The following AXDND1 variants were observed in gnomAD, a reference collection of about 807,000 sequenced individuals.
The protein encoded by AXDND1 is axonemal dynein light chain domain containing 1.
A neutral mutation model predicts 137.5 loss-of-function variants in AXDND1; 110 were observed. The ratio of observed to expected loss-of-function variants is 0.80; its 90% confidence interval spans 0.69 to 0.94. The LOEUF (loss-of-function observed/expected upper bound fraction) is 0.94, where lower values mean the gene tolerates loss of function less well. AXDND1 is among the 40% of genes least tolerant of loss of function. AXDND1 has a pLI of 0.00. For missense variants in AXDND1, 1,191 were observed against 1,169.8 expected (o/e 1.02, Z -0.26); for synonymous variants, 414 against 399.7 (o/e 1.04, Z -0.43).
In AXDND1 at chr1:179,511,392, G is replaced by A. The variant is rs1278849288; in HGVS notation, c.2496+1989G>A. ...ATATATACATAGTATATGGTATATGGGGTGTGTGTGTGTGTGTGTGTGTGT... is the reference window on the plus strand; with the variant it reads ...ATATATACATAGTATATGGTATATGAGGTGTGTGTGTGTGTGTGTGTGTGT... On this transcript the variant is annotated intron_variant, in intron 21 of 25. Transcript: ENST00000367618. 4.4e-5 allele frequency among the ~76,000 whole-genome samples: 4 copies of A among 91,928 alleles called. 1 individual carries two copies. In the South Asian group the frequency reaches 1.2e-3, roughly 28 times the overall value. The allele number at this position is 91,928 out of a possible 152,430, so 60.3% of individuals were successfully genotyped here.
chr1:179,552,841 G>A (rs1275888692), intron 25 of AXDND1: 7 of 683,586 alleles, frequency 1.0e-5, no homozygotes, highest in Admixed American at 4.1e-5. Flanking sequence ...TCAAAAGTAG[G>A]CAGATCTCCA....
intron 16 of AXDND1, among the ~76,000 whole-genome samples, chr1:179,459,943 TC>T (rs1203508573): frequency 2.0e-5 from 3 of 148,086 alleles, no homozygotes; most frequent in African/African-American, 7.4e-5. Flanking sequence ...CTTCTCTCTC[TC>T]TTTTCTTTTC....
intron 21 of AXDND1, among the ~76,000 whole-genome samples, chr1:179,510,667 T>C (rs1362477345): frequency 6.6e-6 from 1 of 152,128 alleles, no homozygotes; most frequent in African/African-American, 2.4e-5. Flanking sequence ...ATCAAGGAAC[T>C]GTACAGAATC....
At chr1:179,393,788 T>C in intron 9 of AXDND1, 115 bp from the exon 10 acceptor site, 2 of 700,760 alleles carry the variant, frequency 2.9e-6, no homozygotes, top group Non-Finnish European at 4.3e-6. Flanking sequence ...GATTCTCAGC[T>C]TGGTTTTCTT....
intron 17 of AXDND1, among the ~76,000 whole-genome samples, chr1:179,476,541 G>T (rs967871761): frequency 1.5e-5 from 2 of 136,146 alleles, no homozygotes; most frequent in African/African-American, 5.3e-5. Flanking sequence ...AAGTCTACTA[G>T]CAACAAATTC....
chr1:179,365,799 T>G (rs10798670), upstream of AXDND1: 13,468 of 152,310 alleles, frequency 0.088, 851 homozygotes, highest in East Asian at 0.36. Flanking sequence ...AACGTTTTTC[T>G]TCTCCTTTGC....
At chr1:179,541,758 C>A (rs1423231447) in intron 25 of AXDND1, among the ~76,000 whole-genome samples, 2 of 151,748 alleles carry the variant, frequency 1.3e-5, no homozygotes, top group African/African-American at 4.8e-5. Flanking sequence ...TCTTAATAAT[C>A]CTAAATACAC....
Position 179,516,515 on chromosome 1 carries a change from G to A in AXDND1, c.2496+7112G>A, listed in dbSNP as rs143280192. On this transcript the variant is annotated intron_variant, in intron 21 of 25. Transcript: ENST00000367618. ...TGGTGAGCTAGTGTGATTTTCTGGGGGTGTTAAAGAGCCTTGTTTTGTCAT... is the reference window on the plus strand; with the variant it reads ...TGGTGAGCTAGTGTGATTTTCTGGGAGTGTTAAAGAGCCTTGTTTTGTCAT... Among the ~76,000 whole-genome samples, 90 of 152,212 alleles carry A rather than the reference G, an allele frequency of 5.9e-4. 1 individual carries two copies. The East Asian group carries it at 0.014, about 24-fold the overall frequency.
intron 8 of AXDND1, 143 bp from the exon 9 acceptor site, chr1:179,385,095 T>G: frequency 1.3e-6 from 1 of 752,614 alleles, no homozygotes; most frequent in Non-Finnish European, 2.1e-6. Flanking sequence ...ATATCACTTT[T>G]GTATATATAT....
chr1:179,521,744 A>G (rs1329948568), intron 21 of AXDND1, among the ~76,000 whole-genome samples: 1 of 136,298 alleles, frequency 7.3e-6, no homozygotes. Flanking sequence ...CCTTTATTTC[A>G]CCCTCATTCT....
intron 25 of AXDND1, among the ~76,000 whole-genome samples, chr1:179,537,879 T>C (rs1671713093): frequency 6.6e-6 from 1 of 152,208 alleles, no homozygotes; most frequent in African/African-American, 2.4e-5. Flanking sequence ...CACCTGTTAT[T>C]GGTCTATTCA....
rs139625718 is a variant in AXDND1, at chr1:179,394,572, G to A, written c.1005-526G>A. ...GCCACTGCACTCTAGCCTGGGTGAC[G>A]GAGCGAGACCCTGTCTCAGAAAAAT... On this transcript the variant is annotated intron_variant, in intron 10 of 25. Coordinates refer to ENST00000367618, the MANE Select transcript of AXDND1 (RefSeq NM_144696.6). 6.6e-3 allele frequency among the ~76,000 whole-genome samples: 541 copies of A among 82,190 alleles called. 3 individuals carry two copies. Among genetic ancestry groups the A allele is most frequent in the African/African-American group, 0.022 (487 of 22,564 alleles). 53.9% of individuals were successfully genotyped at this position (82,190 alleles called of 152,430 possible).
intron 18 of AXDND1, among the ~76,000 whole-genome samples, chr1:179,490,331 G>C (rs945337191): frequency 1.3e-5 from 2 of 152,120 alleles, no homozygotes; most frequent in African/African-American, 4.8e-5. Flanking sequence ...ACAGCGAAAG[G>C]GAGTAGGGTA....
chr1:179,468,717 C>G, intron 17 of AXDND1, 76 bp downstream of exon 17: 1 of 1,214,122 alleles, frequency 8.2e-7, no homozygotes, highest in South Asian at 1.6e-5. Context: ...ATATATAATT[C>G]ACTTTTTCAA....
intron 2 of AXDND1, among the ~76,000 whole-genome samples, chr1:179,367,983 TC>T (rs202211586): frequency 1.5e-4 from 23 of 151,874 alleles, no homozygotes; most frequent in South Asian, 4.1e-4. Flanking sequence ...TTTTTTTTTT[TC>T]TTCTGTTTCT....
At position 179,539,970 on chromosome 1, in the gene AXDND1, G is replaced by A. The variant is rs183356337; in HGVS notation, c.3031+5008G>A. Among the ~76,000 whole-genome samples, 56 of 151,192 alleles carry A rather than the reference G, an allele frequency of 3.7e-4. No homozygotes were observed. In the East Asian group the frequency reaches 0.01, roughly 28 times the overall value. On this transcript the variant is annotated intron_variant, in intron 25 of 25. Transcript: ENST00000367618. Reference sequence around the variant, plus strand: ...TCAATCACTGATAATCCTTTCTTCTGCTTGATCTAATTGGCTATTGAAGAT... The same window carrying A: ...TCAATCACTGATAATCCTTTCTTCTACTTGATCTAATTGGCTATTGAAGAT...
chr1:179,427,467 C>T (rs1477635461), intron 12 of AXDND1, among the ~76,000 whole-genome samples: 7 of 152,030 alleles, frequency 4.6e-5, no homozygotes, highest in East Asian at 3.8e-4. Context: ...ATGCCATGTA[C>T]TGGTTGGTAA....
intron 6 of AXDND1, among the ~76,000 whole-genome samples, chr1:179,380,571 C>CTTGCT (rs1364995493): frequency 1.3e-5 from 2 of 152,130 alleles, no homozygotes; most frequent in Non-Finnish European, 2.9e-5. Flanking sequence ...AAAATAGGAT[C>CTTGCT]TTGCTTTTAT....
At chr1:179,404,408 G>C (rs1335505474) in intron 11 of AXDND1, among the ~76,000 whole-genome samples, 1 of 132,988 alleles carries the variant, frequency 7.5e-6, no homozygotes, top group African/African-American at 2.6e-5. Context: ...TTTTAGTAGA[G>C]ATGAGGTTTC....
Sources: gnomAD v4.1 joint callset for allele counts (sites outside exome capture counted in the v4.1 genomes callset) on GRCh38, gnomAD v4.1.1 for gene constraint, MANE v1.5 for transcripts, NCBI Gene and HGNC (gene_info 2026-07-23, HGNC 2026-07-21) for gene names.